Variants in CPNE9 observed in about 807,000 individuals in gnomAD.
The protein encoded by CPNE9 is copine-9.
In CPNE9, 59 loss-of-function variants were observed where a neutral mutation model predicts 83.0. That is an observed-to-expected ratio of 0.71 (90% CI 0.58 to 0.88). The LOEUF is 0.88. Ranked by LOEUF, CPNE9 falls within the 40% of genes least tolerant of loss-of-function variation. CPNE9 has a pLI of 0.00. For synonymous variants in CPNE9, 256 were observed against 273.4 expected (o/e 0.94, Z 0.63); for missense variants, 619 against 720.8 (o/e 0.86, Z 1.62).
intron 7 of CPNE9, among the ~76,000 whole-genome samples, chr3:9,706,287 CTCTG>C (rs1235134964): frequency 3.3e-5 from 5 of 149,980 alleles, no homozygotes; most frequent in African/African-American, 1.2e-4. Flanking sequence ...CTCTCTCTCT[CTCTG>C]TTTCTCTCTC....
intron 18 of CPNE9, 82 bp downstream of exon 18, chr3:9,726,133 T>C: frequency 1.2e-6 from 1 of 855,504 alleles, no homozygotes; most frequent in Non-Finnish European, 1.8e-6. Flanking sequence ...ACTTGCAAGC[T>C]AACAAGTTAG....
chr3:9,712,196 C>T (rs1575121254), intron 7 of CPNE9, among the ~76,000 whole-genome samples: 1 of 152,192 alleles, frequency 6.6e-6, no homozygotes, highest in South Asian at 2.1e-4. Flanking sequence ...GACAAGTCAT[C>T]ATGATTCCCA....
chr3:9,710,621 G>A (rs539616465), intron 7 of CPNE9, among the ~76,000 whole-genome samples: 1 of 152,238 alleles, frequency 6.6e-6, no homozygotes, highest in Non-Finnish European at 1.5e-5. Context: ...AATGAGACAA[G>A]TTCGCATAAT....
intron 17 of CPNE9, among the ~76,000 whole-genome samples, chr3:9,721,283 T>C (rs2076731583): frequency 6.6e-6 from 1 of 152,224 alleles, no homozygotes; most frequent in Non-Finnish European, 1.5e-5. Context: ...AGCGACAGCG[T>C]CCCTCTGGGG....
chr3:9,714,102 G>A (rs1266179492), intron 10 of CPNE9, among the ~76,000 whole-genome samples: 1 of 137,410 alleles, frequency 7.3e-6, no homozygotes, highest in Non-Finnish European at 1.6e-5. Context: ...AAATAATAAA[G>A]ATAGGTGGTA....
intron 17 of CPNE9, 125 bp downstream of exon 17, chr3:9,718,727 A>T: frequency 8.8e-7 from 1 of 1,137,872 alleles, no homozygotes; most frequent in East Asian, 2.5e-5. Context: ...GAGGCCAGGC[A>T]TGGTGGCTCA....
Position 9,715,534 on chromosome 3 carries a change from C to T in CPNE9, c.822+8C>T, listed in dbSNP as rs369707162. 3.1e-6 allele frequency: 5 copies of T among 1,611,834 alleles called. No homozygotes were observed. Among genetic ancestry groups the T allele is most frequent in the Non-Finnish European group, 4.2e-6 (5 of 1,177,922 alleles). Reference sequence around the variant, plus strand: ...TATGTCAACTCAGGAACTGTGAGTGCTCCCTAGAGCCGTGGCCCTCCCTGG... The same window carrying T: ...TATGTCAACTCAGGAACTGTGAGTGTTCCCTAGAGCCGTGGCCCTCCCTGG... On this transcript the variant is annotated splice_region_variant and intron_variant, in intron 13 of 20. Coordinates refer to ENST00000383832, the MANE Select transcript of CPNE9 (RefSeq NM_153635.3).
At position 9,705,444 on chromosome 3, in the gene CPNE9, C is replaced by CCCCGG; in HGVS notation, c.261-20_261-19insCCCGG. The CCCCGG allele has an allele frequency of 6.6e-7, 1 of 1,514,204 alleles. No homozygotes were observed. Among genetic ancestry groups the CCCCGG allele is most frequent in the Non-Finnish European group, 9.0e-7 (1 of 1,113,930 alleles). 93.8% of individuals were successfully genotyped at this position (1,514,204 alleles called of 1,614,324 possible). On this transcript the variant is annotated intron_variant, in intron 4 of 20. Coordinates refer to ENST00000383832, the MANE Select transcript of CPNE9 (RefSeq NM_153635.3). ...TCCCCCACCCAGCCCCACCCCACACCGGTTCCACTCTTTTCCCAGGTACAA... is the reference window on the plus strand; with the variant it reads ...TCCCCCACCCAGCCCCACCCCACACCCCCGGGGTTCCACTCTTTTCCCAGGTACAA...
chr3:9,722,474 C>T (rs2076743609), intron 17 of CPNE9, among the ~76,000 whole-genome samples: 1 of 152,038 alleles, frequency 6.6e-6, no homozygotes, highest in Admixed American at 6.6e-5. Context: ...ACCTCCTGTG[C>T]CCCCAAACCC....
At chr3:9,708,732 A>C (rs2076588616) in intron 7 of CPNE9, among the ~76,000 whole-genome samples, 4 of 151,810 alleles carry the variant, frequency 2.6e-5, no homozygotes, top group East Asian at 1.9e-4. Flanking sequence ...TCCCGGGTTC[A>C]CGCCATTCTC....
intron 14 of CPNE9, among the ~76,000 whole-genome samples, chr3:9,716,446 C>G (rs966487979): frequency 6.6e-6 from 1 of 151,504 alleles, no homozygotes; most frequent in Non-Finnish European, 1.5e-5. Flanking sequence ...CTTCTCTGAA[C>G]TTCACTTTTC....
At chr3:9,714,639 T>A (rs1575123528) in intron 10 of CPNE9, among the ~76,000 whole-genome samples, 1 of 103,352 alleles carries the variant, frequency 9.7e-6, no homozygotes, top group Non-Finnish European at 2.0e-5. Flanking sequence ...CTCAAAGTGG[T>A]AAAAAAAAAA....
chr3:9,713,389 G>T (rs998412478), intron 10 of CPNE9, among the ~76,000 whole-genome samples: 2 of 152,208 alleles, frequency 1.3e-5, no homozygotes, highest in Non-Finnish European at 2.9e-5. Flanking sequence ...TGAATGGTTG[G>T]ATATGTATGT....
At chr3:9,728,395 G>A (rs1032573490) in intron 20 of CPNE9, among the ~76,000 whole-genome samples, 3 of 152,214 alleles carry the variant, frequency 2.0e-5, no homozygotes, top group African/African-American at 7.2e-5. Context: ...AGGCTGAGGC[G>A]GGCGGATTGC....
At chr3:9,725,708 GTATATA>G (rs202177218) in intron 17 of CPNE9, among the ~76,000 whole-genome samples, 1 of 109,756 alleles carries the variant, frequency 9.1e-6, no homozygotes, top group Non-Finnish European at 2.2e-5. Flanking sequence ...GTATATATGT[GTATATA>G]TGTGTATATG....
At chr3:9,705,879 C>G in intron 6 of CPNE9, 108 bp from the exon 7 acceptor site, 1 of 1,386,570 alleles carries the variant, frequency 7.2e-7, no homozygotes, top group Non-Finnish European at 1.0e-6. Context: ...TCTTGCACCA[C>G]TCATTCGCCT....
chr3:9,715,370 C>A lies in CPNE9; in HGVS notation c.768+6C>A, dbSNP rs1307271091. The A allele has an allele frequency of 3.7e-6, 6 of 1,614,214 alleles. No individual in the cohort carries two copies. Among genetic ancestry groups the A allele is most frequent in the Non-Finnish European group, 5.1e-6 (6 of 1,180,008 alleles). On this transcript the variant is annotated splice_donor_region_variant and intron_variant, in intron 12 of 20. Coordinates refer to ENST00000383832, the MANE Select transcript of CPNE9 (RefSeq NM_153635.3). ...ACCAGTTCACAGTATATGAGGTGAG[C>A]ATTCCAGCCCTGCCCAGGTCACCCA...
In CPNE9 at chr3:9,704,554, G is replaced by A; in HGVS notation, c.69-33G>A. The A allele has an allele frequency of 6.3e-7, 1 of 1,598,302 alleles. No homozygotes were observed. On this transcript the variant is annotated intron_variant, in intron 1 of 20. Transcript: ENST00000383832. This position sits in a 1 kb window ranked among gnomAD's most constrained non-coding sequence, Gnocchi z 7.1. Reference sequence around the variant, plus strand: ...ACTCGAGGCGGGCGGACTCCAGGATGATCCACTCTGTCTGTCTGTTGCTTT... The same window carrying A: ...ACTCGAGGCGGGCGGACTCCAGGATAATCCACTCTGTCTGTCTGTTGCTTT...
At chr3:9,727,971 A>T (rs1196589470) in intron 20 of CPNE9, among the ~76,000 whole-genome samples, 6 of 152,212 alleles carry the variant, frequency 3.9e-5, no homozygotes, top group Admixed American at 3.9e-4. Context: ...TGATGATTAG[A>T]TGATGACAGG....
Sources: gnomAD v4.1 joint callset for allele counts (sites outside exome capture counted in the v4.1 genomes callset) on GRCh38, gnomAD v4.1.1 for gene constraint, Gnocchi (gnomAD v3.1) non-coding constraint, MANE v1.5 for transcripts, NCBI Gene and HGNC (gene_info 2026-07-23, HGNC 2026-07-21) for gene names.